CCSER1: variants seen among roughly 807,000 people sequenced by gnomAD.
CCSER1 encodes coiled-coil serine rich protein 1.
In CCSER1, 41 loss-of-function variants were observed where a neutral mutation model predicts 82.0. That is an observed-to-expected ratio of 0.50 (90% CI 0.39 to 0.65). The LOEUF is 0.65. CCSER1 is among the 30% of genes least tolerant of loss of function. The pLI, the probability that CCSER1 is intolerant of heterozygous loss-of-function variation, is 0.00. For synonymous variants in CCSER1, 414 were observed against 383.9 expected (o/e 1.08, Z -0.92); for missense variants, 1,119 against 1,064.2 (o/e 1.05, Z -0.72).
chr4:90,663,953 T>C, intron 6 of CCSER1: 1 of 231,636 alleles, frequency 4.3e-6, no homozygotes, highest in South Asian at 4.3e-5. Context: ...ACCTGTTTGC[T>C]ACTACCATTT....
rs1311152906 is a variant in CCSER1, at chr4:91,119,948, C to A, written c.2217+33954C>A. Among the ~76,000 whole-genome samples the A allele has an allele frequency of 1.3e-5, 2 of 151,784 alleles. 1 individual carries two copies. Among genetic ancestry groups the A allele is most frequent in the Non-Finnish European group, 2.9e-5 (2 of 67,854 alleles). ...TTGGAAAAGTGGAGGGTTTACAACC[C>A]TATGGAGTTTTATAAATTATCTAGT... is the stretch of plus-strand genomic sequence containing the variant. On this transcript the variant is annotated intron_variant, in intron 10 of 10. Transcript: ENST00000509176.
intron 10 of CCSER1, among the ~76,000 whole-genome samples, chr4:91,390,052 G>T (rs766616493): frequency 6.6e-6 from 1 of 151,760 alleles, no homozygotes; most frequent in African/African-American, 2.4e-5. Context: ...CCTAACCTAC[G>T]TATGTTTTAT....
chr4:90,414,692 A>AT (rs1203243000), intron 4 of CCSER1, among the ~76,000 whole-genome samples: 2 of 151,966 alleles, frequency 1.3e-5, no homozygotes, highest in Non-Finnish European at 2.9e-5. Flanking sequence ...ACCTCAGCAT[A>AT]TTTTTTTAAA....
At chr4:90,349,904 C>G (rs112128432) in intron 3 of CCSER1, among the ~76,000 whole-genome samples, 2,337 of 152,162 alleles carry the variant, frequency 0.015, 38 homozygotes, top group African/African-American at 0.039. Flanking sequence ...GATGGAAAGA[C>G]TTAGAAACCC....
intron 10 of CCSER1, among the ~76,000 whole-genome samples, chr4:91,187,215 A>C (rs1734627532): frequency 1.3e-5 from 2 of 152,210 alleles, no homozygotes; most frequent in Admixed American, 6.5e-5. Flanking sequence ...GAAATGCAGA[A>C]ATCACCCACT....
intron 1 of CCSER1, among the ~76,000 whole-genome samples, chr4:90,274,546 A>C (rs953553417): frequency 6.6e-6 from 1 of 152,168 alleles, no homozygotes; most frequent in African/African-American, 2.4e-5. Context: ...AAGTTTTTAG[A>C]ATTTAAAACT....
intron 9 of CCSER1, among the ~76,000 whole-genome samples, chr4:91,038,721 C>T: frequency 6.6e-6 from 1 of 152,076 alleles, no homozygotes. Flanking sequence ...TTGCATATTT[C>T]CCCCCTTTTT....
chr4:91,323,537 GAATT>G (rs1176971123), intron 10 of CCSER1, among the ~76,000 whole-genome samples: 3 of 152,046 alleles, frequency 2.0e-5, no homozygotes, highest in African/African-American at 4.8e-5. Flanking sequence ...TAGAACTCTT[GAATT>G]ATAGATATTT....
intron 10 of CCSER1, among the ~76,000 whole-genome samples, chr4:91,472,929 G>A (rs984520781): frequency 6.6e-6 from 1 of 152,178 alleles, no homozygotes; most frequent in African/African-American, 2.4e-5. Context: ...TGTCAAAGGA[G>A]CAGATAGGTA....
chr4:91,535,302 T>A (rs1761239999), intron 10 of CCSER1, among the ~76,000 whole-genome samples: 1 of 152,000 alleles, frequency 6.6e-6, no homozygotes, highest in Admixed American at 6.6e-5. Flanking sequence ...AAATTTTTAT[T>A]AATTTAACCA....
chr4:91,311,603 T>C (rs1745482527), intron 10 of CCSER1, among the ~76,000 whole-genome samples: 1 of 151,950 alleles, frequency 6.6e-6, no homozygotes, highest in Non-Finnish European at 1.5e-5. Context: ...ACCTTTCAGT[T>C]CTTTCACCCT....
intron 10 of CCSER1, among the ~76,000 whole-genome samples, chr4:91,316,548 A>G (rs181619660): frequency 3.3e-4 from 50 of 152,132 alleles, no homozygotes; most frequent in Non-Finnish European, 7.2e-4. Context: ...ATTCTATGAC[A>G]CTAAATACGT....
intron 8 of CCSER1, among the ~76,000 whole-genome samples, chr4:90,859,584 A>G (rs898026614): frequency 3.3e-5 from 5 of 151,916 alleles, no homozygotes; most frequent in Admixed American, 2.6e-4. Flanking sequence ...TCTGAACTTC[A>G]AATTTCTATT....
chr4:90,523,163 A>T (rs1229984962), intron 5 of CCSER1, among the ~76,000 whole-genome samples: 1 of 152,172 alleles, frequency 6.6e-6, no homozygotes, highest in Non-Finnish European at 1.5e-5. Context: ...ATGCATTAAG[A>T]ATTTACTCAA....
chr4:90,991,299 C>T (rs1264574245), intron 9 of CCSER1, among the ~76,000 whole-genome samples: 2 of 151,960 alleles, frequency 1.3e-5, no homozygotes, highest in Non-Finnish European at 2.9e-5. Flanking sequence ...AAATTACCCA[C>T]AAACTAGGTG....
rs1758038948 is a variant in CCSER1, at chr4:91,483,176, G to C, written c.2218-115396G>C. 2.0e-5 allele frequency among the ~76,000 whole-genome samples: 3 copies of C among 152,050 alleles called. No individual in the cohort carries two copies. The South Asian group carries it at 6.2e-4, about 32-fold the overall frequency. ...TTAGTAAATGTAAATTCATAGACTA[G>C]TAAATAGTGTCATACTCTATCTGAT... On this transcript the variant is annotated intron_variant, in intron 10 of 10. Transcript: ENST00000509176.
intron 10 of CCSER1, among the ~76,000 whole-genome samples, chr4:91,144,897 A>G (rs1321201374): frequency 6.6e-6 from 1 of 152,092 alleles, no homozygotes; most frequent in Non-Finnish European, 1.5e-5. Flanking sequence ...TGTCAGTCTT[A>G]AAGTATGTAC....
At chr4:90,389,998 A>G (rs1342497476) in intron 3 of CCSER1, among the ~76,000 whole-genome samples, 1 of 152,166 alleles carries the variant, frequency 6.6e-6, no homozygotes, top group Non-Finnish European at 1.5e-5. Flanking sequence ...TTGTAAAGAA[A>G]ATCTGTCATA....
chr4:90,790,915 G>A (rs1282270135), intron 7 of CCSER1, among the ~76,000 whole-genome samples: 2 of 152,080 alleles, frequency 1.3e-5, no homozygotes, highest in Non-Finnish European at 2.9e-5. Context: ...TATCTTAATA[G>A]CAGCACCCCA....
Sources: gnomAD v4.1 joint callset for allele counts (sites outside exome capture counted in the v4.1 genomes callset) on GRCh38, gnomAD v4.1.1 for gene constraint, MANE v1.5 for transcripts, NCBI Gene and HGNC (gene_info 2026-07-23, HGNC 2026-07-21) for gene names.